GPC5: variants seen among roughly 807,000 people sequenced by gnomAD.
GPC5 encodes glypican-5.
A neutral mutation model predicts 53.9 loss-of-function variants in GPC5; 47 were observed. That is an observed-to-expected ratio of 0.87 (90% CI 0.69 to 1.11). GPC5 has a LOEUF of 1.11. Among genes scored for constraint, GPC5 ranks in the 50% most tolerant of loss-of-function variants. The pLI, the probability that GPC5 is intolerant of heterozygous loss-of-function variation, is 0.00. For synonymous variants in GPC5, 286 were observed against 263.3 expected (o/e 1.09, Z -0.84); for missense variants, 748 against 713.1 (o/e 1.05, Z -0.56).
chr13:91,928,883 A>G (rs1266490685), intron 6 of GPC5, among the ~76,000 whole-genome samples: 1 of 152,186 alleles, frequency 6.6e-6, no homozygotes, highest in Admixed American at 6.6e-5. Flanking sequence ...AGGTGAAGAG[A>G]AAGGGACATT....
intron 3 of GPC5, among the ~76,000 whole-genome samples, chr13:91,718,180 G>A (rs936602951): frequency 1.3e-5 from 2 of 151,674 alleles, no homozygotes; most frequent in African/African-American, 2.4e-5. Context: ...GCGCGATCTC[G>A]GCTCGCTGCA....
intron 6 of GPC5, among the ~76,000 whole-genome samples, chr13:91,923,817 CT>C (rs1451485191): frequency 6.6e-6 from 1 of 152,094 alleles, no homozygotes; most frequent in Non-Finnish European, 1.5e-5. Context: ...TCTAATTCAA[CT>C]TCATTTAATA....
intron 7 of GPC5, among the ~76,000 whole-genome samples, chr13:92,699,406 G>C (rs1028363975): frequency 6.8e-6 from 1 of 147,508 alleles, no homozygotes; most frequent in Admixed American, 6.7e-5. Flanking sequence ...TTTTTGAAGG[G>C]TTTTTTGTGT....
At chr13:91,535,001 T>G (rs576690558) in intron 2 of GPC5, among the ~76,000 whole-genome samples, 2 of 152,190 alleles carry the variant, frequency 1.3e-5, no homozygotes, top group African/African-American at 4.8e-5. Context: ...TGTGAACAAA[T>G]TCAAAATCCA....
chr13:92,770,834 C>G (rs1159721886), intron 7 of GPC5, among the ~76,000 whole-genome samples: 1 of 152,156 alleles, frequency 6.6e-6, no homozygotes, highest in African/African-American at 2.4e-5. Context: ...TCCATTACTG[C>G]AGGCTATGGG....
intron 2 of GPC5, among the ~76,000 whole-genome samples, chr13:91,522,498 TTC>T (rs777489653): frequency 1.3e-5 from 2 of 152,356 alleles, no homozygotes; most frequent in Non-Finnish European, 2.9e-5. Flanking sequence ...TTTTTATTTT[TTC>T]TGTTTACACA....
chr13:92,593,415 T>C (rs942103220), intron 7 of GPC5, among the ~76,000 whole-genome samples: 1 of 151,008 alleles, frequency 6.6e-6, no homozygotes, highest in Admixed American at 6.7e-5. Context: ...AAGTGTGGGG[T>C]ATCAAGAGTT....
Position 91,832,100 on chromosome 13 carries a change from C to CTTTGTAGGTCTCTAAGAACTTGCT in GPC5, c.1280+75684_1280+75707dup, listed in dbSNP as rs2038667033. Among the ~76,000 whole-genome samples, 4 of 152,022 alleles carry CTTTGTAGGTCTCTAAGAACTTGCT rather than the reference C, an allele frequency of 2.6e-5. No homozygotes were observed. In the South Asian group the frequency reaches 6.2e-4, roughly 24 times the overall value. On this transcript the variant is annotated intron_variant, in intron 5 of 7. Transcript: ENST00000377067. Reference sequence around the variant, plus strand: ...TATTATTGTGTGGGAGTTTAAATCTCTTTGTAGGTCTCTAAGAACTTGCTT... The same window carrying CTTTGTAGGTCTCTAAGAACTTGCT: ...TATTATTGTGTGGGAGTTTAAATCTCTTTGTAGGTCTCTAAGAACTTGCTTTTGTAGGTCTCTAAGAACTTGCTT...
intron 2 of GPC5, among the ~76,000 whole-genome samples, chr13:91,465,271 C>A (rs1228545964): frequency 6.6e-6 from 1 of 152,036 alleles, no homozygotes; most frequent in Non-Finnish European, 1.5e-5. Flanking sequence ...TTTAGGTGGG[C>A]CTTCTGTGAA....
intron 7 of GPC5, among the ~76,000 whole-genome samples, chr13:92,588,684 C>A (rs1404163246): frequency 1.3e-5 from 2 of 152,162 alleles, no homozygotes; most frequent in African/African-American, 4.8e-5. Context: ...AAATATAGAA[C>A]TATGTAGTAG....
Position 91,508,154 on chromosome 13 carries a change from G to A in GPC5, c.325+59232G>A, listed in dbSNP as rs900548801. On this transcript the variant is annotated intron_variant, in intron 2 of 7. Coordinates refer to ENST00000377067, the MANE Select transcript of GPC5 (RefSeq NM_004466.6). ...ATGTTTTCAAAATGGACAACATTTG[G>A]CTTAAAAACAGCTCACATAAAAAAA... is the stretch of plus-strand genomic sequence containing the variant. Among the ~76,000 whole-genome samples, 5 of 152,204 alleles carry A rather than the reference G, an allele frequency of 3.3e-5. No homozygotes were observed. In the South Asian group the frequency reaches 6.2e-4, roughly 19 times the overall value.
chr13:92,359,816 A>G (rs916494892), intron 7 of GPC5, among the ~76,000 whole-genome samples: 4 of 151,822 alleles, frequency 2.6e-5, no homozygotes, highest in Admixed American at 6.5e-5. Context: ...ATCTGCCACC[A>G]TGATTCAATC....
At chr13:91,792,995 C>T (rs2037991312) in intron 5 of GPC5, among the ~76,000 whole-genome samples, 1 of 152,236 alleles carries the variant, frequency 6.6e-6, no homozygotes, top group South Asian at 2.1e-4. Context: ...CATGTTAAAC[C>T]CTTCAAGTCG....
At chr13:92,336,931 G>A (rs1248325669) in intron 7 of GPC5, among the ~76,000 whole-genome samples, 1 of 152,104 alleles carries the variant, frequency 6.6e-6, no homozygotes, top group Non-Finnish European at 1.5e-5. Context: ...AAGAAAGCAT[G>A]TATAGCGGAA....
At position 92,245,410 on chromosome 13, in the gene GPC5, T is replaced by G. The variant is rs556145558; in HGVS notation, c.1561+100421T>G. Among the ~76,000 whole-genome samples, 3 of 152,344 alleles carry G rather than the reference T, an allele frequency of 2.0e-5. No individual in the cohort carries two copies. In the East Asian group the frequency reaches 5.8e-4, roughly 29 times the overall value. On this transcript the variant is annotated intron_variant, in intron 7 of 7. Coordinates refer to ENST00000377067, the MANE Select transcript of GPC5 (RefSeq NM_004466.6). ...ATTTTTACTTGTCTCTCCATCCACA[T>G]ACTTTTCTAAGAATAAGTTCGAAAA...
intron 2 of GPC5, among the ~76,000 whole-genome samples, chr13:91,600,947 G>C (rs1245885272): frequency 1.3e-5 from 2 of 151,960 alleles, no homozygotes; most frequent in Non-Finnish European, 2.9e-5. Flanking sequence ...ATAAAAGAAG[G>C]GGTGACATTT....
chr13:91,852,372 C>G (rs1021563013), intron 5 of GPC5, among the ~76,000 whole-genome samples: 1 of 151,988 alleles, frequency 6.6e-6, no homozygotes, highest in South Asian at 2.1e-4. Context: ...GTCGTCAGGG[C>G]AAATGACATG....
chr13:92,682,206 T>C (rs1393921436), intron 7 of GPC5, among the ~76,000 whole-genome samples: 1 of 152,218 alleles, frequency 6.6e-6, no homozygotes, highest in African/African-American at 2.4e-5. Flanking sequence ...GTTGTCATTG[T>C]ATATGTTAGC....
At chr13:91,754,801 T>A (rs2037254740) in intron 4 of GPC5, among the ~76,000 whole-genome samples, 1 of 152,114 alleles carries the variant, frequency 6.6e-6, no homozygotes, top group Non-Finnish European at 1.5e-5. Flanking sequence ...GGAAACGGAC[T>A]TAAAGTAGTA....
Sources: gnomAD v4.1 joint callset for allele counts (sites outside exome capture counted in the v4.1 genomes callset) on GRCh38, gnomAD v4.1.1 for gene constraint, MANE v1.5 for transcripts, NCBI Gene and HGNC (gene_info 2026-07-23, HGNC 2026-07-21) for gene names.